RBM47: variants seen among roughly 807,000 people sequenced by gnomAD.
RBM47 encodes RNA binding motif protein 47, also known as RNA-binding protein 47.
RBM47 carries 21 observed loss-of-function variants against 47.1 expected under a neutral mutation model. The observed-to-expected ratio is 0.45, with a 90% CI of 0.32 to 0.64. The LOEUF (loss-of-function observed/expected upper bound fraction) is 0.64. Ranked by LOEUF, RBM47 falls within the 30% of genes least tolerant of loss-of-function variation. RBM47 has a pLI of 0.05. For missense variants in RBM47, 708 were observed against 870.9 expected, an observed-to-expected ratio of 0.81 and a Z score of 2.35; for synonymous variants, 375 against 361.7, an observed-to-expected ratio of 1.04 and a Z score of -0.42.
intron 2 of RBM47, among the ~76,000 whole-genome samples, chr4:40,478,835 T>G (rs190996488): frequency 1.1e-3 from 167 of 152,360 alleles, no homozygotes; most frequent in African/African-American, 3.8e-3. Context: ...AATGCAAAGA[T>G]TATGTGTGTA....
At chr4:40,610,881 ATGTAAGAAG>A (rs1736204038) in intron 1 of RBM47, among the ~76,000 whole-genome samples, 1 of 152,066 alleles carries the variant, frequency 6.6e-6, no homozygotes, top group South Asian at 2.1e-4. Flanking sequence ...TGCTGCTGCC[ATGTAAGAAG>A]TGCCTTTCAC....
At chr4:40,493,047 T>A (rs950426924) in intron 2 of RBM47, among the ~76,000 whole-genome samples, 1 of 151,980 alleles carries the variant, frequency 6.6e-6, no homozygotes. Flanking sequence ...GGCTTTGGAG[T>A]GTGGCACAGA....
intron 1 of RBM47, among the ~76,000 whole-genome samples, chr4:40,611,960 C>G (rs946980061): frequency 6.6e-6 from 1 of 152,086 alleles, no homozygotes; most frequent in Non-Finnish European, 1.5e-5. Flanking sequence ...TCTTGGCCTT[C>G]CACGCAAGAC....
In RBM47 at chr4:40,424,051, T is replaced by C. The variant is rs1714717561; in HGVS notation, c.*1853A>G. 6.6e-6 allele frequency: 1 copy of C among 152,212 alleles called. No homozygotes were observed. Among genetic ancestry groups the C allele is most frequent in the Admixed American group, 6.5e-5 (1 of 15,274 alleles). 9.4% of individuals were successfully genotyped at this position (152,212 alleles called of 1,614,324 possible). On this transcript the variant is annotated 3_prime_UTR_variant, in exon 7 of 7. Coordinates refer to ENST00000295971, the MANE Select transcript of RBM47 (RefSeq NM_001098634.2). The stretch of plus-strand genomic sequence containing the variant: ...CCTCAGTAGGCACTCAATAATTTTA[T>C]AGAATAGTTAAATAAATATTGCTTA...
chr4:40,606,842 A>T (rs1000519658), intron 1 of RBM47, among the ~76,000 whole-genome samples: 2 of 152,042 alleles, frequency 1.3e-5, no homozygotes, highest in African/African-American at 4.8e-5. Flanking sequence ...CCTCTCTACT[A>T]AAAACAAAAA....
intron 1 of RBM47, among the ~76,000 whole-genome samples, chr4:40,552,328 G>A (rs982226569): frequency 6.6e-6 from 1 of 152,046 alleles, no homozygotes; most frequent in African/African-American, 2.4e-5. Flanking sequence ...AACCTGGGAG[G>A]TGGAGGTTGC....
At chr4:40,478,009 C>CTTTTTTT (rs1194806938) in intron 2 of RBM47, among the ~76,000 whole-genome samples, 21 of 86,370 alleles carry the variant, frequency 2.4e-4, no homozygotes, top group Non-Finnish European at 3.3e-4. Flanking sequence ...GTGGCATGTT[C>CTTTTTTT]TTTTTTTTTT....
At chr4:40,508,550 A>G (rs974362668) in intron 2 of RBM47, among the ~76,000 whole-genome samples, 1 of 152,236 alleles carries the variant, frequency 6.6e-6, no homozygotes, top group Non-Finnish European at 1.5e-5. Flanking sequence ...ACATGAAACT[A>G]TGTGGATGAG....
intron 1 of RBM47, among the ~76,000 whole-genome samples, chr4:40,545,706 A>AAAT (rs1560459884): frequency 1.2e-4 from 8 of 64,250 alleles, no homozygotes; most frequent in East Asian, 4.9e-4. Flanking sequence ...AATAAATAAA[A>AAAT]GAGAAAGAGA....
intron 3 of RBM47, among the ~76,000 whole-genome samples, chr4:40,461,534 A>G (rs1013920367): frequency 2.0e-5 from 3 of 152,248 alleles, no homozygotes; most frequent in Admixed American, 6.5e-5. Flanking sequence ...GACCTACAGC[A>G]GCCCACGTTG....
chr4:40,493,902 G>A (rs886259387), intron 2 of RBM47, among the ~76,000 whole-genome samples: 13 of 152,206 alleles, frequency 8.5e-5, no homozygotes, highest in Admixed American at 2.6e-4. Flanking sequence ...TCGCACCACT[G>A]CACTCCAGCC....
chr4:40,436,002 CAAAAA>C (rs11452583), intron 5 of RBM47, among the ~76,000 whole-genome samples: 4 of 111,370 alleles, frequency 3.6e-5, no homozygotes, highest in African/African-American at 7.1e-5. Context: ...ACTAAAAATA[CAAAAA>C]AAAAAAAAAA....
At chr4:40,539,486 A>G (rs976699447) in intron 2 of RBM47, among the ~76,000 whole-genome samples, 2 of 152,106 alleles carry the variant, frequency 1.3e-5, no homozygotes, top group African/African-American at 4.8e-5. Flanking sequence ...CGTGCCTGTA[A>G]TCCCAGCACT....
At position 40,570,442 on chromosome 4, in the gene RBM47, C is replaced by T. The variant is rs559277243; in HGVS notation, c.-239-25936G>A. Among the ~76,000 whole-genome samples, 42 of 151,874 alleles carry T rather than the reference C, an allele frequency of 2.8e-4. 1 individual carries two copies. The highest frequency in any genetic ancestry group is 9.4e-4 in the African/African-American group (39 of 41,444). ...TGTGCAGTTCATAATAGGCTTTACGCGCCTATGAGAATCTAATGCTGCCAC... is the reference window on the plus strand; with the variant it reads ...TGTGCAGTTCATAATAGGCTTTACGTGCCTATGAGAATCTAATGCTGCCAC... On this transcript the variant is annotated intron_variant, in intron 1 of 6. Coordinates refer to ENST00000295971, the MANE Select transcript of RBM47 (RefSeq NM_001098634.2).
At chr4:40,468,631 A>G (rs1387330855) in intron 2 of RBM47, among the ~76,000 whole-genome samples, 1 of 152,014 alleles carries the variant, frequency 6.6e-6, no homozygotes, top group Non-Finnish European at 1.5e-5. Flanking sequence ...CTATCTTTAT[A>G]TTGGAATGAC....
chr4:40,590,745 T>C (rs944271055), intron 1 of RBM47, among the ~76,000 whole-genome samples: 1 of 152,204 alleles, frequency 6.6e-6, no homozygotes, highest in African/African-American at 2.4e-5. Context: ...ATAACATGGA[T>C]GGACTGTGAG....
At chr4:40,507,054 T>A (rs561330144) in intron 2 of RBM47, among the ~76,000 whole-genome samples, 20 of 152,242 alleles carry the variant, frequency 1.3e-4, no homozygotes, top group African/African-American at 3.6e-4. Context: ...GCTCCCGGGT[T>A]CAAGCAATTC....
chr4:40,486,533 T>A (rs1000363878), intron 2 of RBM47, among the ~76,000 whole-genome samples: 2 of 152,218 alleles, frequency 1.3e-5, no homozygotes, highest in African/African-American at 2.4e-5. Flanking sequence ...GTGTGGTGGC[T>A]CATGCCTGTA....
At chr4:40,529,227 C>T (rs2154258818) in intron 2 of RBM47, among the ~76,000 whole-genome samples, 1 of 152,146 alleles carries the variant, frequency 6.6e-6, no homozygotes, top group South Asian at 2.1e-4. Context: ...AAAAATGTGG[C>T]TGGGCGAGGT....
Sources: allele counts gnomAD v4.1 joint callset (sites outside exome capture counted in the v4.1 genomes callset), GRCh38; gene constraint gnomAD v4.1.1; transcripts MANE v1.5; gene names NCBI Gene and HGNC (gene_info 2026-07-23, HGNC 2026-07-21).